MCFD2: variants seen among roughly 807,000 people sequenced by gnomAD.
The protein encoded by MCFD2 is multiple coagulation factor deficiency protein 2.
In MCFD2, 11 loss-of-function variants were observed where a neutral mutation model predicts 12.8. That is an observed-to-expected ratio of 0.86 (90% CI 0.54 to 1.42). The LOEUF is 1.42. MCFD2 is among the 40% of genes most tolerant of loss of function. MCFD2 has a pLI of 0.00. For synonymous variants in MCFD2, 70 were observed against 68.1 expected, an observed-to-expected ratio of 1.03 and a Z score of -0.14; for missense variants, 191 against 178.6, an observed-to-expected ratio of 1.07 and a Z score of -0.40.
rs1669155733 is a variant in MCFD2 at position 46,922,497 on chromosome 2, G to A, written c.-7-14528C>T. Among the ~76,000 whole-genome samples, 3 of 152,068 alleles carry A rather than the reference G, an allele frequency of 2.0e-5. No individual in the cohort carries two copies. The South Asian group carries it at 6.2e-4, about 31-fold the overall frequency. The stretch of plus-strand genomic sequence containing the variant: ...TAGTATTAGACTAAACTCCAGACCT[G>A]AGTGCGGGCAGAGTGTAATTATAAA... On this transcript the variant is annotated intron_variant, in intron 1 of 2. Transcript: ENST00000409147.
chr2:46,941,552 A>C lies in MCFD2; in HGVS notation c.-8+20T>G. ...AGCGCCCGCGAGAAGATGGCTGCGAAGGGCGCGCACGGCTCCTACCTGAAG... is the reference window on the plus strand; with the variant it reads ...AGCGCCCGCGAGAAGATGGCTGCGACGGGCGCGCACGGCTCCTACCTGAAG... On this transcript the variant is annotated intron_variant, in intron 1 of 2. Transcript: ENST00000409147. This position sits in a 1 kb window ranked among gnomAD's most constrained non-coding sequence, Gnocchi z 4.2. 2 of 1,554,580 alleles carry C rather than the reference A, an allele frequency of 1.3e-6. No individual in the cohort carries two copies. Among genetic ancestry groups the C allele is most frequent in the Non-Finnish European group, 1.7e-6 (2 of 1,149,534 alleles).
At chr2:46,934,999 T>G (rs1384778125) in intron 1 of MCFD2, among the ~76,000 whole-genome samples, 1 of 151,522 alleles carries the variant, frequency 6.6e-6, no homozygotes, top group African/African-American at 2.4e-5. Flanking sequence ...CAGGGTTTCA[T>G]CATGTTGGCC....
At position 46,941,591 on chromosome 2, in the gene MCFD2, T is replaced by C. The variant is rs1460831020; in HGVS notation, c.-27A>G. The C allele has an allele frequency of 1.9e-6, 3 of 1,557,240 alleles. No homozygotes were observed. The highest frequency in any genetic ancestry group is 2.7e-5 in the African/African-American group (2 of 73,382). ...TCCTACCTGAAGGTGGAGAGCGAGC[T>C]GGAGCGCTGCCGCGCCGAGGGCCAC... On this transcript the variant is annotated 5_prime_UTR_variant, in exon 1 of 3. Transcript: ENST00000409147. This position sits in a 1 kb window ranked among gnomAD's most constrained non-coding sequence, Gnocchi z 4.2.
In MCFD2 at chr2:46,907,107, A is replaced by G. The variant is rs1311814879; in HGVS notation, c.309+703T>C. The G allele has an allele frequency of 6.4e-6, 1 of 155,938 alleles. No homozygotes were observed. The highest frequency in any genetic ancestry group is 1.4e-5 in the Non-Finnish European group (1 of 70,632). The allele number at this position is 155,938 out of a possible 1,614,324, so 9.7% of individuals were successfully genotyped here. A position where few individuals can be genotyped will look rare whatever the true frequency, so the allele number is the denominator to read the frequency against. ...CAGAAACTTTGGAGCACCATACAGTATCACACAAGCCCTCAATTACTGCCA... is the reference window on the plus strand; with the variant it reads ...CAGAAACTTTGGAGCACCATACAGTGTCACACAAGCCCTCAATTACTGCCA... On this transcript the variant is annotated intron_variant, in intron 3 of 3. Transcript: ENST00000319466. The surrounding 1 kb of genome is among the most constrained non-coding windows in gnomAD (Gnocchi z 4.1).
rs1384603530 is a variant in MCFD2, at chr2:46,901,883, A to C, written c.*3580T>G. ...AATCAACTGCTCGAGGTTTTGCTTCATCAGTTTTATTGGTCATATATCCAG... is the reference window on the plus strand; with the variant it reads ...AATCAACTGCTCGAGGTTTTGCTTCCTCAGTTTTATTGGTCATATATCCAG... On this transcript the variant is annotated 3_prime_UTR_variant, in exon 4 of 4. Transcript: ENST00000319466. This position sits in a 1 kb window ranked among gnomAD's most constrained non-coding sequence, Gnocchi z 4.3. 1 of 152,690 alleles carries C rather than the reference A, an allele frequency of 6.5e-6. No individual in the cohort carries two copies. The highest frequency in any genetic ancestry group is 2.4e-5 in the African/African-American group (1 of 41,474). The allele number at this position is 152,690 out of a possible 1,614,324, so 9.5% of individuals were successfully genotyped here.
intron 1 of MCFD2, among the ~76,000 whole-genome samples, chr2:46,933,198 A>G (rs1164508064): frequency 6.6e-6 from 1 of 152,220 alleles, no homozygotes; most frequent in Non-Finnish European, 1.5e-5. Context: ...GCCACTAACA[A>G]GAATTAAGAG....
chr2:46,936,703 A>G (rs1011446584), intron 1 of MCFD2, among the ~76,000 whole-genome samples: 19 of 152,192 alleles, frequency 1.2e-4, no homozygotes, highest in Admixed American at 8.5e-4. Context: ...TCATTTCCCC[A>G]AAGATAATTT....
chr2:46,908,403 G>A lies in MCFD2; in HGVS notation c.150-434C>T. 1 of 292,900 alleles carries A rather than the reference G, an allele frequency of 3.4e-6. No homozygotes were observed. The highest frequency in any genetic ancestry group is 2.2e-5 in the African/African-American group (1 of 44,828). 18.1% of individuals were successfully genotyped at this position (292,900 alleles called of 1,614,324 possible). On this transcript the variant is annotated intron_variant, in intron 2 of 3. Transcript: ENST00000319466. The surrounding 1 kb of genome is among the most constrained non-coding windows in gnomAD (Gnocchi z 4.5). ...AGCCCCCCAAGTAGCTGGGACCATA[G>A]GCATGTACTGCCACATCCAGCTAAT... is the stretch of plus-strand genomic sequence containing the variant.
At position 46,941,771 on chromosome 2, in the gene MCFD2, C is replaced by T; in HGVS notation, c.-207G>A. 12 of 1,545,620 alleles carry T rather than the reference C, an allele frequency of 7.8e-6. No homozygotes were observed. The highest frequency in any genetic ancestry group is 9.6e-6 in the Non-Finnish European group (11 of 1,144,838). On this transcript the variant is annotated 5_prime_UTR_variant, in exon 1 of 3. Transcript: ENST00000409147. The surrounding 1 kb of genome is among the most constrained non-coding windows in gnomAD (Gnocchi z 4.2). ...GCTCGCCGGCAGCGAGCGCGCGAAA[C>T]GCACCGCCTCCTCCAGGAAGCGCGC... is the stretch of plus-strand genomic sequence containing the variant.
At chr2:46,910,061 G>C (rs534184601) in intron 1 of MCFD2, among the ~76,000 whole-genome samples, 2 of 152,318 alleles carry the variant, frequency 1.3e-5, no homozygotes, top group Admixed American at 1.3e-4. Flanking sequence ...GGTGGTAACA[G>C]TGGCAAGTAA....
chr2:46,929,927 T>A (rs912109984), intron 1 of MCFD2, among the ~76,000 whole-genome samples: 1 of 152,194 alleles, frequency 6.6e-6, no homozygotes, highest in African/African-American at 2.4e-5. Flanking sequence ...ATGATAATTG[T>A]CAATGTTTTA....
chr2:46,908,950 G>C lies in MCFD2; in HGVS notation c.149+73C>G. 6.3e-7 allele frequency: 1 copy of C among 1,584,712 alleles called. No homozygotes were observed. Among genetic ancestry groups the C allele is most frequent in the Non-Finnish European group, 8.7e-7 (1 of 1,153,282 alleles). The stretch of plus-strand genomic sequence containing the variant: ...ACAGGAAGAAGGAAAGGAGGACTGA[G>C]CATGCCCTTGCCGCTGGCTCAGCTG... On this transcript the variant is annotated intron_variant, in intron 2 of 3. Transcript: ENST00000319466. This position sits in a 1 kb window ranked among gnomAD's most constrained non-coding sequence, Gnocchi z 4.5.
chr2:46,915,190 TC>T (rs1216117448), intron 1 of MCFD2, among the ~76,000 whole-genome samples: 3 of 152,088 alleles, frequency 2.0e-5, no homozygotes, highest in African/African-American at 2.4e-5. Flanking sequence ...AATGAACGTA[TC>T]CAAGACAACT....
upstream of MCFD2, chr2:46,917,035 G>A (rs1668838758): frequency 1.9e-5 from 11 of 578,906 alleles, no homozygotes; most frequent in South Asian, 2.0e-4. Flanking sequence ...CAAAGAAAGT[G>A]GCTAAGTAGT....
rs1315722693 is a variant in MCFD2 at position 46,941,602 on chromosome 2, C to G, written c.-38G>C. ...GGTGGAGAGCGAGCTGGAGCGCTGCCGCGCCGAGGGCCACTGGGACCGCAT... is the reference window on the plus strand; with the variant it reads ...GGTGGAGAGCGAGCTGGAGCGCTGCGGCGCCGAGGGCCACTGGGACCGCAT... On this transcript the variant is annotated 5_prime_UTR_variant, in exon 1 of 3. Coordinates refer to the MCFD2 transcript ENST00000409147. This position sits in a 1 kb window ranked among gnomAD's most constrained non-coding sequence, Gnocchi z 4.2. 7 of 1,556,758 alleles carry G rather than the reference C, an allele frequency of 4.5e-6. No homozygotes were observed. Among genetic ancestry groups the G allele is most frequent in the Middle Eastern group, 3.4e-4 (2 of 5,970 alleles).
intron 1 of MCFD2, among the ~76,000 whole-genome samples, chr2:46,928,263 A>G (rs1164691863): frequency 6.6e-6 from 1 of 151,862 alleles, no homozygotes; most frequent in Non-Finnish European, 1.5e-5. Context: ...CCCATTTATC[A>G]TCTCACAGTT....
intron 1 of MCFD2, among the ~76,000 whole-genome samples, chr2:46,914,774 C>G (rs978509022): frequency 6.6e-6 from 1 of 152,164 alleles, no homozygotes; most frequent in African/African-American, 2.4e-5. Flanking sequence ...TTATTTCAAC[C>G]AAAGGACAGT....
chr2:46,928,730 A>G (rs1019522312), intron 1 of MCFD2, among the ~76,000 whole-genome samples: 23 of 151,900 alleles, frequency 1.5e-4, no homozygotes, highest in African/African-American at 5.3e-4. Context: ...TGATTGCACT[A>G]CTGCACTCCA....
At position 46,909,158 on chromosome 2, in the gene MCFD2, G is replaced by C; in HGVS notation, c.14C>G (p.Ser5Cys). 12 of 1,614,056 alleles carry C rather than the reference G, an allele frequency of 7.4e-6. No homozygotes were observed. The highest frequency in any genetic ancestry group is 8.5e-6 in the Non-Finnish European group (10 of 1,179,946). ...ACACAGGAAGGGGGTTCTGAGCAGGGATCTCATGGTCATCAATATCTGTGA... is the reference window on the plus strand; with the variant it reads ...ACACAGGAAGGGGGTTCTGAGCAGGCATCTCATGGTCATCAATATCTGTGA... MTMR[S>C]LLRTPFLCGL... Residue 5 changes from serine (S) to cysteine (C), a missense_variant, in exon 2 of 4, where the codon TCC becomes TGC. By Grantham distance (112) the Ser-to-Cys change is moderately radical (BLOSUM62 -1). Coordinates refer to ENST00000319466, the MANE Select transcript of MCFD2 (RefSeq NM_139279.6).
Sources: gnomAD v4.1 joint callset for allele counts (sites outside exome capture counted in the v4.1 genomes callset) on GRCh38, gnomAD v4.1.1 for gene constraint, Gnocchi (gnomAD v3.1) non-coding constraint, MANE v1.5 for transcripts, NCBI Gene and HGNC (gene_info 2026-07-23, HGNC 2026-07-21) for gene names.